PDZRN4: variants seen among roughly 807,000 people sequenced by gnomAD.
PDZRN4 encodes the protein PDZ domain-containing RING finger protein 4.
Under a neutral mutation model 99.0 loss-of-function variants are expected in PDZRN4, and 70 were observed. The ratio of observed to expected loss-of-function variants is 0.71; its 90% CI spans 0.58 to 0.86. The LOEUF is 0.86. Among genes scored for constraint, PDZRN4 ranks in the 40% least tolerant of loss-of-function variants. The pLI is 0.00. For synonymous variants in PDZRN4, 551 were observed against 501.6 expected (o/e 1.10, Z -1.32); for missense variants, 1,474 against 1,331.2 (o/e 1.11, Z -1.67).
chr12:41,264,423 T>C (rs1951263566), intron 3 of PDZRN4, among the ~76,000 whole-genome samples: 1 of 152,206 alleles, frequency 6.6e-6, no homozygotes, highest in Admixed American at 6.5e-5. Flanking sequence ...TCTTATTTTC[T>C]TTTTATCATG....
rs747305244 is a variant in PDZRN4, at chr12:41,506,592, T to G, written c.980T>G (p.Val327Gly). 5.0e-6 allele frequency: 8 copies of G among 1,613,814 alleles called. No individual in the cohort carries two copies. In the African/African-American group the frequency reaches 1.1e-4, roughly 22 times the overall value. Residue 327 changes from valine (V) to glycine (G), a missense_variant, in exon 4 of 10, where the codon GTG becomes GGG. By Grantham distance (109) the Val-to-Gly change is moderately radical. Transcript: ENST00000402685. ...SRPAYGMASE[V>G]QLMNASTQTD... ...CCAGCCTATGGGATGGCTTCAGAAGTGCAGCTTATGAATGCCAGCACTCAG... is the reference window on the plus strand; with the variant it reads ...CCAGCCTATGGGATGGCTTCAGAAGGGCAGCTTATGAATGCCAGCACTCAG...
At chr12:41,231,557 T>A (rs1376827515) in intron 3 of PDZRN4, among the ~76,000 whole-genome samples, 10 of 152,118 alleles carry the variant, frequency 6.6e-5, no homozygotes, top group Non-Finnish European at 1.2e-4. Context: ...TTCCTAATTA[T>A]GTACTGAATG....
intron 3 of PDZRN4, among the ~76,000 whole-genome samples, chr12:41,237,165 C>T (rs1325508228): frequency 6.6e-6 from 1 of 151,886 alleles, no homozygotes; most frequent in Admixed American, 6.6e-5. Context: ...ATACTGGTGC[C>T]CCCTCATAGG....
chr12:41,565,796 C>T (rs550593111), intron 8 of PDZRN4, among the ~76,000 whole-genome samples: 18 of 152,230 alleles, frequency 1.2e-4, no homozygotes, highest in African/African-American at 4.3e-4. Context: ...GACACTGGGG[C>T]AGAGAGGATT....
intron 5 of PDZRN4, among the ~76,000 whole-genome samples, chr12:41,514,119 A>T (rs1938355730): frequency 6.6e-6 from 1 of 152,092 alleles, no homozygotes; most frequent in African/African-American, 2.4e-5. Context: ...TTGAAGAGGT[A>T]TTAAAAGTGG....
intron 3 of PDZRN4, among the ~76,000 whole-genome samples, chr12:41,306,250 C>A (rs1207498658): frequency 6.6e-6 from 1 of 152,190 alleles, no homozygotes; most frequent in African/African-American, 2.4e-5. Context: ...CTCTGCTGGG[C>A]AGGGACTACA....
At chr12:41,382,833 C>A (rs919527498) in intron 3 of PDZRN4, among the ~76,000 whole-genome samples, 1 of 152,196 alleles carries the variant, frequency 6.6e-6, no homozygotes, top group African/African-American at 2.4e-5. Context: ...AGGGCTACTA[C>A]TAAAGAATAC....
At chr12:41,428,973 A>G (rs1345895175) in intron 3 of PDZRN4, among the ~76,000 whole-genome samples, 2 of 152,216 alleles carry the variant, frequency 1.3e-5, no homozygotes, top group South Asian at 4.1e-4. Context: ...GTGCCTGAGA[A>G]TAGTCAGGCC....
chr12:41,461,480 A>G (rs1952873455), intron 3 of PDZRN4, among the ~76,000 whole-genome samples: 1 of 152,148 alleles, frequency 6.6e-6, no homozygotes, highest in Admixed American at 6.5e-5. Flanking sequence ...TAGTTTGCTA[A>G]GGATAACAGC....
intron 3 of PDZRN4, among the ~76,000 whole-genome samples, chr12:41,383,233 C>T (rs1409997124): frequency 6.6e-6 from 1 of 152,154 alleles, no homozygotes; most frequent in Non-Finnish European, 1.5e-5. Context: ...ACTATTTCAT[C>T]AGTTTTTGCC....
At chr12:41,469,446 C>T (rs899875592) in intron 3 of PDZRN4, among the ~76,000 whole-genome samples, 1 of 152,136 alleles carries the variant, frequency 6.6e-6, no homozygotes, top group Non-Finnish European at 1.5e-5. Context: ...AAATGAACAC[C>T]GAGTTAAGTT....
intron 3 of PDZRN4, among the ~76,000 whole-genome samples, chr12:41,469,476 G>T (rs573317051): frequency 6.6e-6 from 1 of 152,334 alleles, no homozygotes; most frequent in Non-Finnish European, 1.5e-5. Flanking sequence ...GACTTGTACT[G>T]CTGTGTTCCT....
chr12:41,309,456 T>C (rs779311125), intron 3 of PDZRN4, among the ~76,000 whole-genome samples: 1 of 152,134 alleles, frequency 6.6e-6, no homozygotes, highest in Non-Finnish European at 1.5e-5. Flanking sequence ...AAGTCTGAGA[T>C]AACAGCATTA....
At chr12:41,310,553 A>G (rs758523688) in intron 3 of PDZRN4, among the ~76,000 whole-genome samples, 8 of 152,256 alleles carry the variant, frequency 5.3e-5, no homozygotes, top group African/African-American at 1.7e-4. Context: ...ACCTAAGTAC[A>G]TTATAACTAC....
intron 3 of PDZRN4, among the ~76,000 whole-genome samples, chr12:41,448,441 T>C (rs1471163): frequency 0.51 from 77,296 of 151,784 alleles, 20,164 homozygotes; most frequent in African/African-American, 0.64. Context: ...AGTCAGTTCA[T>C]TCTTCTCAAT....
intron 3 of PDZRN4, among the ~76,000 whole-genome samples, chr12:41,343,619 C>CCA (rs34219032): frequency 0.38 from 58,175 of 151,430 alleles, 11,236 homozygotes; most frequent in African/African-American, 0.4. Flanking sequence ...GAGTTGTATA[C>CCA]GGTACAATGT....
chr12:41,464,038 C>A (rs143342363), intron 3 of PDZRN4, among the ~76,000 whole-genome samples: 1 of 152,022 alleles, frequency 6.6e-6, no homozygotes, highest in Non-Finnish European at 1.5e-5. Flanking sequence ...GAGTCTATTG[C>A]GAAGGTTGGA....
intron 3 of PDZRN4, among the ~76,000 whole-genome samples, chr12:41,413,566 G>A (rs534110649): frequency 1.2e-3 from 183 of 152,248 alleles, no homozygotes; most frequent in African/African-American, 4.3e-3. Flanking sequence ...GATGACGGAC[G>A]TGCTAATTAT....
chr12:41,437,711 G>A, intron 3 of PDZRN4: 1 of 1,422,374 alleles, frequency 7.0e-7, no homozygotes, highest in Non-Finnish European at 9.2e-7. Context: ...GAACTGACTG[G>A]AAACTCTGTG....
Sources: allele counts gnomAD v4.1 joint callset (sites outside exome capture counted in the v4.1 genomes callset), GRCh38; gene constraint gnomAD v4.1.1; transcripts MANE v1.5; gene names NCBI Gene and HGNC (gene_info 2026-07-23, HGNC 2026-07-21).